The following TRIM33 variants were observed in gnomAD, a reference collection of about 807,000 sequenced individuals.
The protein encoded by TRIM33 is tripartite motif containing 33.
Under a neutral mutation model 125.4 loss-of-function variants are expected in TRIM33, and 20 were observed. That is an observed-to-expected ratio of 0.16 (90% CI 0.11 to 0.23). The LOEUF is 0.23. Among genes scored for constraint, TRIM33 ranks in the 10% least tolerant of loss-of-function variants. The pLI is 1.00. For synonymous variants in TRIM33, 564 were observed against 513.9 expected (o/e 1.10, Z -1.32); for missense variants, 920 against 1,411.4 (o/e 0.65, Z 5.58).
At chr1:114,434,349 C>A (rs1049416516) in intron 4 of TRIM33, among the ~76,000 whole-genome samples, 2 of 152,132 alleles carry the variant, frequency 1.3e-5, no homozygotes, top group African/African-American at 4.8e-5. Flanking sequence ...AATGAACATG[C>A]AAATTTACAT....
chr1:114,463,491 T>C lies in TRIM33; in HGVS notation c.711A>G (p.Leu237=), dbSNP rs1270429751. The C allele has an allele frequency of 3.7e-6, 6 of 1,611,610 alleles. No individual in the cohort carries two copies. The highest frequency in any genetic ancestry group is 3.4e-6 in the Non-Finnish European group (4 of 1,177,992). Reference sequence around the variant, plus strand: ...GATGTGCTTCGATACATGTCTTACATAGCCACTCTCCACATTCTACACAAA... The same window carrying C: ...GATGTGCTTCGATACATGTCTTACACAGCCACTCTCCACATTCTACACAAA... The part of the protein sequence containing the change: ...VGFCVECGEW[L]CKTCIEAHQR... The change falls in exon 3 of 20, where the codon CTA becomes CTG. Residue 237 remains leucine (L), a synonymous_variant. Coordinates refer to ENST00000358465, the MANE Select transcript of TRIM33 (RefSeq NM_015906.4).
At chr1:114,470,070 CGAA>C (rs1425345030) in intron 1 of TRIM33, among the ~76,000 whole-genome samples, 1 of 152,110 alleles carries the variant, frequency 6.6e-6, no homozygotes, top group East Asian at 1.9e-4. Flanking sequence ...CAATCATATA[CGAA>C]GAACACTAAT....
intron 1 of TRIM33, among the ~76,000 whole-genome samples, chr1:114,472,487 T>C (rs1278404631): frequency 2.0e-5 from 3 of 152,150 alleles, no homozygotes; most frequent in Non-Finnish European, 4.4e-5. Flanking sequence ...AATCCCAACA[T>C]TTTGGGAGCC....
At chr1:114,495,170 C>T (rs942570905) in intron 1 of TRIM33, among the ~76,000 whole-genome samples, 6 of 152,090 alleles carry the variant, frequency 3.9e-5, no homozygotes, top group Non-Finnish European at 7.4e-5. Flanking sequence ...TCATCTCGGC[C>T]GCCCAAAGTG....
intron 5 of TRIM33, 111 bp from the exon 6 acceptor site, chr1:114,431,023 A>G (rs1647918431): frequency 1.5e-6 from 1 of 689,206 alleles, no homozygotes; most frequent in Non-Finnish European, 2.5e-6. Flanking sequence ...TTAAAATGAA[A>G]ACTTTGTCAA....
chr1:114,462,961 A>G, intron 4 of TRIM33, 143 bp downstream of exon 4: 1 of 591,420 alleles, frequency 1.7e-6, no homozygotes, highest in Non-Finnish European at 2.7e-6. Flanking sequence ...CAAAACATAT[A>G]TTGCTCAAGA....
chr1:114,505,569 CGTTTT>C (rs1170469503), intron 1 of TRIM33, among the ~76,000 whole-genome samples: 1 of 152,040 alleles, frequency 6.6e-6, no homozygotes, highest in Non-Finnish European at 1.5e-5. Context: ...TTTTTTGTTT[CGTTTT>C]GTTTTGTTTT....
chr1:114,439,035 TAGA>T (rs1333637068), intron 4 of TRIM33, among the ~76,000 whole-genome samples: 1 of 152,150 alleles, frequency 6.6e-6, no homozygotes, highest in Non-Finnish European at 1.5e-5. Context: ...CTCACATAAA[TAGA>T]ACAGGGAGCA....
chr1:114,421,247 C>T (rs1315696149), intron 11 of TRIM33, among the ~76,000 whole-genome samples, 189 bp downstream of exon 11: 1 of 151,482 alleles, frequency 6.6e-6, no homozygotes, highest in Non-Finnish European at 1.5e-5. Context: ...GCGGGGAATG[C>T]GGAAAGAGAG....
At chr1:114,485,865 A>G (rs1223348418) in intron 1 of TRIM33, among the ~76,000 whole-genome samples, 1 of 152,232 alleles carries the variant, frequency 6.6e-6, no homozygotes, top group Non-Finnish European at 1.5e-5. Flanking sequence ...GTCAAACACC[A>G]GGAAAATCAT....
At chr1:114,438,078 G>A (rs1254344499) in intron 4 of TRIM33, among the ~76,000 whole-genome samples, 1 of 152,110 alleles carries the variant, frequency 6.6e-6, no homozygotes, top group Non-Finnish European at 1.5e-5. Flanking sequence ...ACATGGATGG[G>A]TGTTTTTTAA....
chr1:114,414,027 G>GCTCACAGGCACACA (rs1353374378), intron 11 of TRIM33, among the ~76,000 whole-genome samples: 1 of 130,588 alleles, frequency 7.7e-6, no homozygotes, highest in African/African-American at 3.0e-5. Context: ...TAAATCACAG[G>GCTCACAGGCACACA]CACACACACA....
At position 114,395,014 on chromosome 1, in the gene TRIM33, G is replaced by A. The variant is rs9429746; in HGVS notation, c.*2634C>T. ...AGTATAAAAACAAACTGCCTTCAGG[G>A]ACTGACAGATACAATTTTGTCTTTT... On this transcript the variant is annotated 3_prime_UTR_variant, in exon 20 of 20. Transcript: ENST00000358465. 0.026 allele frequency: 4,979 copies of A among 195,152 alleles called. 166 individuals carry two copies. Among genetic ancestry groups the A allele is most frequent in the African/African-American group, 0.082 (3,533 of 43,308 alleles). The allele number at this position is 195,152 out of a possible 1,614,324, so 12.1% of individuals were successfully genotyped here. A position where few individuals can be genotyped will look rare whatever the true frequency, so the allele number is the denominator to read the frequency against.
chr1:114,511,138 G>A lies in TRIM33; in HGVS notation c.-62C>T, dbSNP rs1175266356. The A allele has an allele frequency of 9.3e-6, 10 of 1,079,876 alleles. No individual in the cohort carries two copies. In the Admixed American group the frequency reaches 2.1e-4, roughly 23 times the overall value. 66.9% of individuals were successfully genotyped at this position (1,079,876 alleles called of 1,614,324 possible). On this transcript the variant is annotated 5_prime_UTR_variant, in exon 1 of 20. Transcript: ENST00000358465. ...GCCCGCCGCCCGCGTCGCCGCCGCC[G>A]CCGCCCCCAGCCCCAGCCGCAGCCG...
chr1:114,425,680 A>G lies in TRIM33; in HGVS notation c.1464T>C (p.Pro488=). 1 of 1,614,160 alleles carries G rather than the reference A, an allele frequency of 6.2e-7. No individual in the cohort carries two copies. The highest frequency in any genetic ancestry group is 8.5e-7 in the Non-Finnish European group (1 of 1,179,998). Residue 488 remains proline, a synonymous_variant, in exon 9 of 20, where the codon CCT becomes CCC. Coordinates refer to ENST00000358465, the MANE Select transcript of TRIM33 (RefSeq NM_015906.4). ...GAGGAACTTGCCCAACTACAACATT[A>G]GGAGTATAACCAGGAGCTGGTTTAC... ...IESKPAPGYT[P]NVVVGQVPPG...
intron 4 of TRIM33, among the ~76,000 whole-genome samples, chr1:114,449,163 T>TAA (rs71580620): frequency 6.0e-5 from 9 of 150,558 alleles, no homozygotes; most frequent in South Asian, 2.1e-4. Context: ...AAGAATGGTC[T>TAA]AAAAAAAACA....
At chr1:114,448,237 C>T (rs570663445) in intron 4 of TRIM33, among the ~76,000 whole-genome samples, 1 of 152,220 alleles carries the variant, frequency 6.6e-6, no homozygotes, top group East Asian at 1.9e-4. Flanking sequence ...GAGAGTTCAT[C>T]TAAGATAACA....
At chr1:114,404,440 C>G (rs1652107353) in intron 15 of TRIM33, 1 of 152,188 alleles carries the variant, frequency 6.6e-6, no homozygotes, top group Admixed American at 6.5e-5. Flanking sequence ...GCTACCACAC[C>G]TGGCTAATTT....
At chr1:114,468,695 AAAG>A (rs1490667974) in intron 1 of TRIM33, 12 of 446,688 alleles carry the variant, frequency 2.7e-5, no homozygotes, top group African/African-American at 2.2e-4. Flanking sequence ...AAAAGAAGAA[AAAG>A]AAGAATGTCA....
Sources: allele counts gnomAD v4.1 joint callset (sites outside exome capture counted in the v4.1 genomes callset), GRCh38; gene constraint gnomAD v4.1.1; transcripts MANE v1.5; gene names NCBI Gene and HGNC (gene_info 2026-07-23, HGNC 2026-07-21).